Variants in PCDHA6 observed in about 807,000 individuals in gnomAD.
The protein encoded by PCDHA6 is protocadherin alpha 6.
In PCDHA6, 55 loss-of-function variants were observed where a neutral mutation model predicts 60.3. The observed-to-expected ratio is 0.91, with a 90% CI of 0.73 to 1.14. The LOEUF (loss-of-function observed/expected upper bound fraction) is 1.14. Ranked by LOEUF, PCDHA6 falls within the 50% of genes most tolerant of loss-of-function variation. The probability of loss-of-function intolerance (pLI) is 0.00; values close to 1 mark genes in which losing one functional copy is unlikely to be tolerated. For synonymous variants in PCDHA6, 652 were observed against 557.9 expected (o/e 1.17, Z -2.38); for missense variants, 1,327 against 1,256.5 (o/e 1.06, Z -0.85).
chr5:140,863,615 T>A (rs1290782399), intron 1 of PCDHA6: 16 of 339,092 alleles, frequency 4.7e-5, no homozygotes, highest in Non-Finnish European at 8.7e-5. Context: ...ATGTCCCTCA[T>A]AGTGACATTG....
At chr5:140,932,899 CAAT>C (rs1317207926) in intron 1 of PCDHA6, among the ~76,000 whole-genome samples, 2 of 151,832 alleles carry the variant, frequency 1.3e-5, no homozygotes, top group Non-Finnish European at 3.0e-5. Context: ...TAGAGGGAAA[CAAT>C]AATATTTCAA....
rs1215623176 is a variant in PCDHA6 at position 140,858,135 on chromosome 5, T to A, written c.2394+27650T>A. On this transcript the variant is annotated intron_variant, in intron 1 of 3. Transcript: ENST00000529310. ...GAGGTGGCCCTGGTGGATGTCAACG[T>A]GTACCTGATCATCGCCATCTGCGCG... is the stretch of plus-strand genomic sequence containing the variant. 2 of 1,597,334 alleles carry A rather than the reference T, an allele frequency of 1.3e-6. 1 individual carries two copies. Among genetic ancestry groups the A allele is most frequent in the Non-Finnish European group, 1.7e-6 (2 of 1,167,406 alleles).
At chr5:140,836,213 G>T in intron 1 of PCDHA6, 4 of 1,613,848 alleles carry the variant, frequency 2.5e-6, no homozygotes, top group Non-Finnish European at 2.5e-6. Flanking sequence ...TTTCGTATGA[G>T]TTGCAACCGG....
rs147149527 is a variant in PCDHA6 at position 140,842,554 on chromosome 5, C to T, written c.2394+12069C>T. The T allele has an allele frequency of 1.0e-3, 1,636 of 1,596,230 alleles. 137 individuals carry two copies. The highest frequency in any genetic ancestry group is 3.5e-3 in the South Asian group (317 of 90,526). On this transcript the variant is annotated intron_variant, in intron 1 of 3. Transcript: ENST00000529310. Reference sequence around the variant, plus strand: ...ATTACTACTCGTTGGTGCTGGACAGCGCCCTGGACCGCGAGAGAGTGTCGG... The same window carrying T: ...ATTACTACTCGTTGGTGCTGGACAGTGCCCTGGACCGCGAGAGAGTGTCGG...
At chr5:140,941,290 T>A (rs1403658442) in intron 1 of PCDHA6, among the ~76,000 whole-genome samples, 1 of 69,836 alleles carries the variant, frequency 1.4e-5, no homozygotes, top group Non-Finnish European at 3.3e-5. Flanking sequence ...TCCTTTCTCT[T>A]TCTTTCTTTC....
At chr5:140,965,061 G>A (rs76085486) in intron 1 of PCDHA6, among the ~76,000 whole-genome samples, 2,501 of 152,286 alleles carry the variant, frequency 0.016, 68 homozygotes, top group African/African-American at 0.056. Context: ...CATGCCAAAT[G>A]TCAGGTCTCA....
At chr5:140,917,324 C>CGG (rs1299895515) in intron 1 of PCDHA6, among the ~76,000 whole-genome samples, 73 of 76,040 alleles carry the variant, frequency 9.6e-4, no homozygotes, top group South Asian at 2.7e-3. Flanking sequence ...GTTCATGTGG[C>CGG]GGGGGAGGGG....
At chr5:140,925,690 G>GT (rs2082677818) in intron 1 of PCDHA6, among the ~76,000 whole-genome samples, 1 of 149,642 alleles carries the variant, frequency 6.7e-6, no homozygotes, top group African/African-American at 2.5e-5. Flanking sequence ...GCGAGGGTGG[G>GT]TATCTAGCCT....
At chr5:140,972,660 A>ATTTTTT (rs11350929) in intron 1 of PCDHA6, among the ~76,000 whole-genome samples, 2 of 117,268 alleles carry the variant, frequency 1.7e-5, no homozygotes, top group African/African-American at 3.3e-5. Context: ...AAGAAACCAA[A>ATTTTTT]TTTTTTTTTT....
intron 1 of PCDHA6, chr5:140,877,685 C>G (rs377753884): frequency 5.0e-6 from 8 of 1,613,628 alleles, no homozygotes; most frequent in African/African-American, 2.7e-5. Flanking sequence ...GGCAAGCCCA[C>G]GCTGGTGTGC....
chr5:140,941,224 T>TTTCTTTCTTTCTTTCTTTCTTTCC (rs2092912857), intron 1 of PCDHA6, among the ~76,000 whole-genome samples: 1 of 137,372 alleles, frequency 7.3e-6, no homozygotes, highest in Non-Finnish European at 1.6e-5. Context: ...CCTTTCTTTC[T>TTTCTTTCTTTCTTTCTTTCTTTCC]TTCTTTCTTT....
chr5:140,852,042 T>C, intron 1 of PCDHA6: 1 of 921,096 alleles, frequency 1.1e-6, no homozygotes, highest in African/African-American at 1.8e-5. Context: ...GAGTTTTTGT[T>C]ATGTGGTTTA....
chr5:140,920,747 G>A (rs565649077), intron 1 of PCDHA6, among the ~76,000 whole-genome samples: 10 of 152,052 alleles, frequency 6.6e-5, no homozygotes, highest in African/African-American at 2.4e-4. Context: ...AGGAGGCTGA[G>A]GCAGGAGAAT....
intron 1 of PCDHA6, chr5:140,869,029 A>AT (rs1364344296): frequency 2.6e-6 from 4 of 1,526,350 alleles, no homozygotes; most frequent in Non-Finnish European, 3.5e-6. Flanking sequence ...ATTCAACGAG[A>AT]TTTTTAACCT....
At chr5:140,850,244 G>A (rs2150475347) in intron 1 of PCDHA6, 2 of 1,593,676 alleles carry the variant, frequency 1.3e-6, no homozygotes, top group East Asian at 2.2e-5. Flanking sequence ...TGGTGCTGCG[G>A]TCGGTGGGCG....
chr5:140,858,350 A>C (rs1160044351), intron 1 of PCDHA6: 1 of 1,594,392 alleles, frequency 6.3e-7, no homozygotes, highest in East Asian at 2.2e-5. Context: ...GGCGGACCTC[A>C]TGGCCTTCAG....
chr5:140,878,273 G>T (rs2057527007), intron 1 of PCDHA6, among the ~76,000 whole-genome samples: 1 of 152,096 alleles, frequency 6.6e-6, no homozygotes, highest in Non-Finnish European at 1.5e-5. Flanking sequence ...TTTTAAAATA[G>T]CCTTCTTGAT....
chr5:140,884,385 C>T (rs1554181508), intron 1 of PCDHA6: 1 of 1,613,992 alleles, frequency 6.2e-7, no homozygotes, highest in Non-Finnish European at 8.5e-7. Context: ...GCCATCTGCG[C>T]GGTGTCCAGC....
intron 3 of PCDHA6, among the ~76,000 whole-genome samples, chr5:141,001,281 A>T (rs1239906088): frequency 6.6e-6 from 1 of 152,168 alleles, no homozygotes; most frequent in African/African-American, 2.4e-5. Context: ...TTTTTTACGG[A>T]TGAAAACTGA....
Sources: allele counts gnomAD v4.1 joint callset (sites outside exome capture counted in the v4.1 genomes callset), GRCh38; gene constraint gnomAD v4.1.1; transcripts MANE v1.5; gene names NCBI Gene and HGNC (gene_info 2026-07-23, HGNC 2026-07-21).